CDH3: variants seen among roughly 807,000 people sequenced by gnomAD.
CDH3 encodes cadherin 3, also known as cadherin-3.
In CDH3, 54 loss-of-function variants were observed where a neutral mutation model predicts 82.0. That is an observed-to-expected ratio of 0.66 (90% CI 0.53 to 0.83). The LOEUF is 0.83. Ranked by LOEUF, CDH3 falls within the 40% of genes least tolerant of loss-of-function variation. The pLI is 0.00. For missense variants in CDH3, 1,054 were observed against 1,084.6 expected (o/e 0.97, Z 0.40); for synonymous variants, 446 against 437.9 (o/e 1.02, Z -0.23).
At chr16:68,647,756 G>T (rs1055661341) in intron 2 of CDH3, among the ~76,000 whole-genome samples, 2 of 152,064 alleles carry the variant, frequency 1.3e-5, no homozygotes, top group Non-Finnish European at 2.9e-5. Context: ...TCTTCAGCTG[G>T]CACTTTGACC....
chr16:68,678,808 C>G lies in CDH3; in HGVS notation c.593C>G (p.Pro198Arg). 6.2e-7 allele frequency: 1 copy of G among 1,614,092 alleles called. No individual in the cohort carries two copies. Among genetic ancestry groups the G allele is most frequent in the Non-Finnish European group, 8.5e-7 (1 of 1,180,002 alleles). ...GAGAATGGTGCCTCAGTGGAGGACC[C>G]CATGAACATCTCCATCATCGTGACC... ...VSENGASVED[P>R]MNISIIVTDQ... The change falls in exon 6 of 16, where the codon CCC (proline) becomes CGC (arginine). Residue 198 changes from proline to arginine, a missense_variant. Coordinates refer to ENST00000264012, the MANE Select transcript of CDH3 (RefSeq NM_001793.6).
chr16:68,695,634 A>C, intron 14 of CDH3, 143 bp from the exon 15 acceptor site: 2 of 1,063,734 alleles, frequency 1.9e-6, no homozygotes, highest in South Asian at 2.7e-5. Flanking sequence ...AGGGTTTTCC[A>C]AAATCTGTGA....
intron 12 of CDH3, among the ~76,000 whole-genome samples, chr16:68,691,011 C>T (rs1197980526): frequency 4.4e-5 from 6 of 137,606 alleles, no homozygotes; most frequent in East Asian, 2.1e-4. Flanking sequence ...CCTTTACTTT[C>T]TTTTTTTTTT....
chr16:68,683,387 C>G lies in CDH3; in HGVS notation c.1182+900C>G, dbSNP rs1398640383. 3.3e-5 allele frequency among the ~76,000 whole-genome samples: 5 copies of G among 152,232 alleles called. No homozygotes were observed. In the East Asian group the frequency reaches 5.8e-4, roughly 18 times the overall value. On this transcript the variant is annotated intron_variant, in intron 9 of 15. Coordinates refer to ENST00000264012, the MANE Select transcript of CDH3 (RefSeq NM_001793.6). ...AAAATCCAGACCGGGTGCTGTGGCT[C>G]ACGCCTGTAATCCCAGCACTTTGGG...
At chr16:68,664,774 T>C (rs544558769) in intron 2 of CDH3, among the ~76,000 whole-genome samples, 1 of 152,116 alleles carries the variant, frequency 6.6e-6, no homozygotes, top group East Asian at 1.9e-4. Context: ...TCCTCCCACC[T>C]CAGCCTCTCA....
intron 15 of CDH3, among the ~76,000 whole-genome samples, chr16:68,697,615 G>A (rs957952199): frequency 6.6e-6 from 1 of 152,208 alleles, no homozygotes; most frequent in African/African-American, 2.4e-5. Flanking sequence ...ATTGAACTGG[G>A]TGTGGCCTGG....
intron 2 of CDH3, among the ~76,000 whole-genome samples, chr16:68,648,520 C>T (rs1020433769): frequency 2.6e-5 from 4 of 151,704 alleles, no homozygotes; most frequent in Admixed American, 6.6e-5. Flanking sequence ...GATGCAATCA[C>T]GGTTCACTGC....
downstream of CDH3, among the ~76,000 whole-genome samples, chr16:68,702,269 TGTTATTTA>T: frequency 6.6e-6 from 1 of 152,272 alleles, no homozygotes; most frequent in Non-Finnish European, 1.5e-5. Flanking sequence ...AGTTTGGATG[TGTTATTTA>T]ATGTCACCAC....
chr16:68,645,678 G>T lies in CDH3; in HGVS notation c.88G>T (p.Val30Phe). Residue 30 changes from valine (V) to phenylalanine (F), a missense_variant, in exon 2 of 16, where the codon GTC (valine) becomes TTC (phenylalanine). Val to Phe is a conservative substitution (Grantham distance 50). Coordinates refer to ENST00000264012, the MANE Select transcript of CDH3 (RefSeq NM_001793.6). Reference sequence around the variant, plus strand: ...CGCGGCCTCCGAGCCGTGCCGGGCGGTCTTCAGGGAGGCTGAAGTGACCTT... The same window carrying T: ...CGCGGCCTCCGAGCCGTGCCGGGCGTTCTTCAGGGAGGCTGAAGTGACCTT... ...QCAASEPCRA[V>F]FREAEVTLEA... The T allele has an allele frequency of 6.5e-7, 1 of 1,545,498 alleles. No individual in the cohort carries two copies.
intron 2 of CDH3, among the ~76,000 whole-genome samples, chr16:68,667,394 T>C (rs1302894741): frequency 6.6e-6 from 1 of 152,212 alleles, no homozygotes; most frequent in African/African-American, 2.4e-5. Flanking sequence ...GTTTTCCTTT[T>C]CCTCTAGTCA....
intron 8 of CDH3, among the ~76,000 whole-genome samples, chr16:68,681,430 G>A (rs1255367459): frequency 6.6e-6 from 1 of 152,196 alleles, no homozygotes; most frequent in Non-Finnish European, 1.5e-5. Context: ...TCTTTTCCCA[G>A]TGAATGCTTG....
downstream of CDH3, among the ~76,000 whole-genome samples, chr16:68,730,143 G>A (rs1405456357): frequency 2.0e-5 from 3 of 151,870 alleles, no homozygotes; most frequent in Admixed American, 1.3e-4. Context: ...TGAGGCAGGA[G>A]GAACGCTTGC....
At chr16:68,732,628 T>G in the CDH3 span, among the ~76,000 whole-genome samples, 28 of 152,336 alleles carry the variant, frequency 1.8e-4, 1 homozygote, top group South Asian at 5.6e-3. Flanking sequence ...GCGCTGGATC[T>G]CAGCAAGATC....
chr16:68,694,016 G>T (rs1413719036), intron 13 of CDH3, among the ~76,000 whole-genome samples: 3 of 152,092 alleles, frequency 2.0e-5, no homozygotes, highest in Non-Finnish European at 4.4e-5. Context: ...AGCACTTTGG[G>T]AGCTGAGGCA....
chr16:68,732,219 C>A (rs1476459983), downstream of CDH3, among the ~76,000 whole-genome samples: 1 of 152,118 alleles, frequency 6.6e-6, no homozygotes, highest in Non-Finnish European at 1.5e-5. Flanking sequence ...TCTACCCTAC[C>A]TAGCCAGGAG....
At chr16:68,710,373 A>T (rs377297201) in intron 1 of CDH3, among the ~76,000 whole-genome samples, 11 of 152,218 alleles carry the variant, frequency 7.2e-5, no homozygotes, top group Non-Finnish European at 1.3e-4. Context: ...GTGGTTCTCA[A>T]CCAGGGGTAG....
intron 15 of CDH3, chr16:68,696,145 G>C: frequency 1.3e-5 from 8 of 593,498 alleles, no homozygotes; most frequent in Non-Finnish European, 2.5e-5. Flanking sequence ...GAGGGGCTGG[G>C]CACGGTGCCT....
chr16:68,684,685 G>C lies in CDH3; in HGVS notation c.1285G>C (p.Val429Leu). 6.2e-7 allele frequency: 1 copy of C among 1,614,200 alleles called. No individual in the cohort carries two copies. The highest frequency in any genetic ancestry group is 1.3e-5 in the African/African-American group (1 of 75,046). ...KLPTSTATIV[V>L]HVEDVNEAPV... is the part of the protein sequence containing the mutation. ...CCCAACCTCCACAGCCACCATAGTG[G>C]TCCACGTGGAGGATGTGAATGAGGC... The change falls in exon 10 of 16, where the codon GTC (valine) becomes CTC (leucine). Residue 429 changes from valine to leucine, a missense_variant. Coordinates refer to ENST00000264012, the MANE Select transcript of CDH3 (RefSeq NM_001793.6).
chr16:68,678,048 C>T (rs1961083044), intron 3 of CDH3, 86 bp from the exon 4 acceptor site: 1 of 1,294,946 alleles, frequency 7.7e-7, no homozygotes, highest in Non-Finnish European at 1.1e-6. Flanking sequence ...CATGCCCAGC[C>T]ACCCTTTTAA....
Sources: gnomAD v4.1 joint callset for allele counts (sites outside exome capture counted in the v4.1 genomes callset) on GRCh38, gnomAD v4.1.1 for gene constraint, MANE v1.5 for transcripts, NCBI Gene and HGNC (gene_info 2026-07-23, HGNC 2026-07-21) for gene names.